Variants in HECW2 observed in about 807,000 individuals in gnomAD.
The protein encoded by HECW2 is HECT, C2 and WW domain containing E3 ubiquitin protein ligase 2, also known as E3 ubiquitin-protein ligase HECW2.
In HECW2, 61 loss-of-function variants were observed where a neutral mutation model predicts 175.2. That is an observed-to-expected ratio of 0.35 (90% CI 0.28 to 0.43). The LOEUF (loss-of-function observed/expected upper bound fraction) is 0.43. HECW2 is among the 20% of genes least tolerant of loss of function. The probability of loss-of-function intolerance (pLI) is 1.00; values close to 1 mark genes in which losing one functional copy is unlikely to be tolerated. For missense variants in HECW2, 1,524 were observed against 2,000.5 expected, an observed-to-expected ratio of 0.76 and a Z score of 4.54; for synonymous variants, 671 against 731.0, an observed-to-expected ratio of 0.92 and a Z score of 1.32.
rs558969005 is a variant in HECW2, at chr2:196,287,126, A to G, written c.3000+5439T>C. ...TGTTCTAAAATCTGTCCTCATAACCATAACTGCTATTTGCTGTGGTTCTCA... is the reference window on the plus strand; with the variant it reads ...TGTTCTAAAATCTGTCCTCATAACCGTAACTGCTATTTGCTGTGGTTCTCA... On this transcript the variant is annotated intron_variant, in intron 14 of 28. Transcript: ENST00000644978. Among the ~76,000 whole-genome samples the G allele has an allele frequency of 3.9e-5, 6 of 152,322 alleles. No homozygotes were observed. In the South Asian group the frequency reaches 1.0e-3, roughly 26 times the overall value.
intron 1 of HECW2, among the ~76,000 whole-genome samples, chr2:196,533,051 A>G (rs1478695807): frequency 6.6e-6 from 1 of 152,198 alleles, no homozygotes; most frequent in Non-Finnish European, 1.5e-5. Flanking sequence ...TGGTGTGGAG[A>G]CCAACTGAAT....
chr2:196,236,900 C>T (rs1688272925), intron 21 of HECW2, among the ~76,000 whole-genome samples: 1 of 152,198 alleles, frequency 6.6e-6, no homozygotes, highest in Non-Finnish European at 1.5e-5. Context: ...TTACTTTGTT[C>T]CCCCTCTTTC....
chr2:196,279,347 C>T lies in HECW2; in HGVS notation c.3001-685G>A, dbSNP rs563855826. On this transcript the variant is annotated intron_variant, in intron 14 of 28. Coordinates refer to ENST00000644978, the MANE Select transcript of HECW2 (RefSeq NM_001348768.2). ...ACAGGCGTGAGCCACCGCGCCTGGC[C>T]GAAACTTTTAAACATCATTGACTTC... 2.6e-4 allele frequency among the ~76,000 whole-genome samples: 40 copies of T among 152,264 alleles called. 1 individual carries two copies. The highest frequency in any genetic ancestry group is 2.4e-3 in the Admixed American group (37 of 15,296).
chr2:196,494,404 C>T (rs1687306934), intron 1 of HECW2, among the ~76,000 whole-genome samples: 1 of 152,140 alleles, frequency 6.6e-6, no homozygotes, highest in Non-Finnish European at 1.5e-5. Flanking sequence ...ATTACAATGG[C>T]CCCAGGTAAC....
intron 3 of HECW2, among the ~76,000 whole-genome samples, chr2:196,337,474 A>C (rs1692590506): frequency 1.3e-5 from 2 of 152,018 alleles, no homozygotes; most frequent in African/African-American, 4.8e-5. Context: ...ACCAAAGAGC[A>C]ATGAATGAGT....
Position 196,502,876 on chromosome 2 carries a change from C to T in HECW2, c.-35-69418G>A, listed in dbSNP as rs142978563. Among the ~76,000 whole-genome samples the T allele has an allele frequency of 4.6e-5, 7 of 152,318 alleles. No individual in the cohort carries two copies. In the East Asian group the frequency reaches 1.2e-3, roughly 25 times the overall value. The stretch of plus-strand genomic sequence containing the variant: ...ACCTCTCATACTTGCAAAGAGTACA[C>T]ATGGAGGTCCAAATCCCTATGTCTA... On this transcript the variant is annotated intron_variant, in intron 1 of 28. Coordinates refer to ENST00000644978, the MANE Select transcript of HECW2 (RefSeq NM_001348768.2).
intron 10 of HECW2, chr2:196,316,903 G>C (rs1691719112): frequency 5.1e-6 from 1 of 196,322 alleles, no homozygotes; most frequent in Non-Finnish European, 1.1e-5. Flanking sequence ...ATATTACATA[G>C]AGTGAGGTTT....
intron 1 of HECW2, chr2:196,493,321 C>T (rs1382244174): frequency 2.6e-5 from 4 of 152,220 alleles, no homozygotes; most frequent in Admixed American, 2.6e-4. Context: ...TGAGATGTGA[C>T]TGCACCATCG....
chr2:196,407,035 C>T (rs774444247), intron 2 of HECW2, among the ~76,000 whole-genome samples: 25 of 152,006 alleles, frequency 1.6e-4, no homozygotes, highest in Non-Finnish European at 3.1e-4. Context: ...TTGCCATATC[C>T]CAGGATCTAG....
intron 1 of HECW2, among the ~76,000 whole-genome samples, chr2:196,552,398 A>G (rs1559172228): frequency 6.6e-6 from 1 of 152,082 alleles, no homozygotes; most frequent in Admixed American, 6.5e-5. Flanking sequence ...CATGACAACT[A>G]TTTCTTACTT....
At chr2:196,347,028 C>A (rs1206318928) in intron 2 of HECW2, among the ~76,000 whole-genome samples, 1 of 149,432 alleles carries the variant, frequency 6.7e-6, no homozygotes, top group East Asian at 2.0e-4. Context: ...AAAAAAATTC[C>A]ATTTCCGTTT....
intron 19 of HECW2, among the ~76,000 whole-genome samples, chr2:196,243,359 G>T (rs1038124336): frequency 6.6e-5 from 10 of 151,738 alleles, no homozygotes; most frequent in African/African-American, 2.2e-4. Context: ...TAGGGTCATG[G>T]TTTCTCCATG....
rs1405760694 is a variant in HECW2 at position 196,548,056 on chromosome 2, G to A, written c.-36+45452C>T. 6.6e-5 allele frequency among the ~76,000 whole-genome samples: 10 copies of A among 152,236 alleles called. No homozygotes were observed. The South Asian group carries it at 1.2e-3, about 19-fold the overall frequency. ...GTAAGAAATCCACTATGGGCCAGGC[G>A]CAGTGGCTCACACCTGTAATCTCAG... is the stretch of plus-strand genomic sequence containing the variant. On this transcript the variant is annotated intron_variant, in intron 1 of 28. Transcript: ENST00000644978.
intron 19 of HECW2, among the ~76,000 whole-genome samples, chr2:196,252,943 C>T (rs965831089): frequency 6.6e-6 from 1 of 152,168 alleles, no homozygotes; most frequent in Admixed American, 6.5e-5. Context: ...CAGAGCTTCA[C>T]AGAGTTATTT....
Position 196,222,232 on chromosome 2 carries a change from C to A in HECW2, c.4125G>T (p.Val1375=). The A allele has an allele frequency of 6.2e-7, 1 of 1,613,620 alleles. No individual in the cohort carries two copies. The highest frequency in any genetic ancestry group is 8.5e-7 in the Non-Finnish European group (1 of 1,179,796). Residue 1375 remains valine, a synonymous_variant, in exon 24 of 29, where the codon GTG becomes GTT. Transcript: ENST00000644978. ...IHDILDLTFT[V]NEEVFGQITE... ...ACACCTGCCCAAATACTTCTTCGTT[C>A]ACAGTGAACGTGAGGTCTAGGATGT...
chr2:196,470,118 T>C (rs569993250), intron 1 of HECW2, among the ~76,000 whole-genome samples: 1 of 152,232 alleles, frequency 6.6e-6, no homozygotes, highest in African/African-American at 2.4e-5. Context: ...TTATATTCTG[T>C]TTTATAACAC....
intron 13 of HECW2, among the ~76,000 whole-genome samples, chr2:196,297,646 A>G (rs1690869542): frequency 6.6e-6 from 1 of 152,222 alleles, no homozygotes; most frequent in South Asian, 2.1e-4. Context: ...TGATAAATAA[A>G]GTCTTTCTTT....
intron 2 of HECW2, among the ~76,000 whole-genome samples, chr2:196,422,078 G>C (rs1695421400): frequency 6.6e-6 from 1 of 152,082 alleles, no homozygotes; most frequent in African/African-American, 2.4e-5. Flanking sequence ...ACTGTCCTTG[G>C]TACTGCCCTG....
At chr2:196,244,609 T>C (rs1170438594) in intron 19 of HECW2, among the ~76,000 whole-genome samples, 2 of 152,088 alleles carry the variant, frequency 1.3e-5, no homozygotes, top group Non-Finnish European at 2.9e-5. Context: ...AAAGTAATAG[T>C]AATGTTATAA....
Sources: gnomAD v4.1 joint callset for allele counts (sites outside exome capture counted in the v4.1 genomes callset) on GRCh38, gnomAD v4.1.1 for gene constraint, MANE v1.5 for transcripts, NCBI Gene and HGNC (gene_info 2026-07-23, HGNC 2026-07-21) for gene names.